MGST1: variants seen among roughly 807,000 people sequenced by gnomAD.
MGST1 encodes glutathione S-transferase 12.
MGST1 carries 5 observed loss-of-function variants against 8.9 expected under a neutral mutation model. That is an observed-to-expected ratio of 0.56 (90% CI 0.29 to 1.19). The LOEUF is 1.19. Among genes scored for constraint, MGST1 ranks in the 50% most tolerant of loss-of-function variants. The pLI is 0.08. For synonymous variants in MGST1, 54 were observed against 67.8 expected (o/e 0.80, Z 1.00); for missense variants, 182 against 187.4 (o/e 0.97, Z 0.17).
chr12:16,491,038 A>G (rs921564168), intron 4 of MGST1, among the ~76,000 whole-genome samples: 5 of 152,190 alleles, frequency 3.3e-5, no homozygotes, highest in Non-Finnish European at 7.3e-5. Flanking sequence ...ATCCTTTGTA[A>G]TATAAGATTT....
chr12:16,351,260 T>C (rs1248686332), intron 1 of MGST1, among the ~76,000 whole-genome samples: 1 of 152,200 alleles, frequency 6.6e-6, no homozygotes, highest in Non-Finnish European at 1.5e-5. Flanking sequence ...TTTCTTAAGC[T>C]AATTACTTTA....
intron 4 of MGST1, among the ~76,000 whole-genome samples, chr12:16,588,325 A>C (rs1943385962): frequency 6.6e-6 from 1 of 152,064 alleles, no homozygotes; most frequent in African/African-American, 2.4e-5. Context: ...TTTAAAGAAC[A>C]CTGTGAAAAA....
intron 4 of MGST1, among the ~76,000 whole-genome samples, chr12:16,444,445 A>G (rs536420738): frequency 1.3e-5 from 2 of 151,816 alleles, no homozygotes; most frequent in Non-Finnish European, 2.9e-5. Flanking sequence ...CTTTGCCAAA[A>G]TGTGCATAGA....
rs992803422 is a variant in MGST1, at chr12:16,572,467, G to A, written n.483-17061G>A. On this transcript the variant is annotated intron_variant and non_coding_transcript_variant, in intron 4 of 4. Transcript: ENST00000538857. The stretch of plus-strand genomic sequence containing the variant: ...GAGCTACTAAGCTATTTCCTTTATT[G>A]GGTCACCTTTAGGACTTATTATTTG... Among the ~76,000 whole-genome samples the A allele has an allele frequency of 2.8e-5, 4 of 141,416 alleles. No individual in the cohort carries two copies. In the Admixed American group the frequency reaches 3.0e-4, roughly 11 times the overall value. 92.8% of individuals were successfully genotyped at this position (141,416 alleles called of 152,430 possible). A position where few individuals can be genotyped will look rare whatever the true frequency, so the allele number is the denominator to read the frequency against.
At chr12:16,486,771 G>A (rs955250509) in intron 4 of MGST1, among the ~76,000 whole-genome samples, 4 of 152,182 alleles carry the variant, frequency 2.6e-5, no homozygotes, top group Admixed American at 2.0e-4. Flanking sequence ...AGCCAATCAT[G>A]TCACGTAGCT....
At position 16,482,644 on chromosome 12, in the gene MGST1, A is replaced by C. The variant is rs1323411768; in HGVS notation, n.482+99040A>C. 6.6e-6 allele frequency among the ~76,000 whole-genome samples: 1 copy of C among 151,914 alleles called. No homozygotes were observed. Among genetic ancestry groups the C allele is most frequent in the Admixed American group, 6.6e-5 (1 of 15,238 alleles). ...AGACTCTGTCTGGAAGAAAAAAAAA[A>C]AAGAGTGAGAACATGTAAAAATGCA... On this transcript the variant is annotated intron_variant and non_coding_transcript_variant, in intron 4 of 4. Coordinates refer to the MGST1 transcript ENST00000538857. The surrounding 1 kb of genome is among the most constrained non-coding windows in gnomAD (Gnocchi z 4.2).
intron 4 of MGST1, among the ~76,000 whole-genome samples, chr12:16,574,672 C>A (rs528972615): frequency 4.2e-4 from 64 of 152,260 alleles, no homozygotes; most frequent in African/African-American, 1.5e-3. Flanking sequence ...GCTCTGTTAA[C>A]TGCAAGACAC....
intron 4 of MGST1, among the ~76,000 whole-genome samples, chr12:16,489,307 A>C (rs1275816918): frequency 1.3e-5 from 2 of 151,870 alleles, no homozygotes; most frequent in African/African-American, 4.8e-5. Flanking sequence ...TCTCTAGTTC[A>C]TGTTTGCTTT....
intron 4 of MGST1, among the ~76,000 whole-genome samples, chr12:16,446,789 T>C (rs1941084160): frequency 6.6e-6 from 1 of 151,878 alleles, no homozygotes; most frequent in Non-Finnish European, 1.5e-5. Context: ...TCTTGTTGAT[T>C]CTGGTATCCA....
In MGST1 at chr12:16,537,753, AGCAGCTGGGAT is replaced by A. The variant is rs1941764336; in HGVS notation, n.483-51770_483-51760del. On this transcript the variant is annotated intron_variant and non_coding_transcript_variant, in intron 4 of 4. Coordinates refer to the MGST1 transcript ENST00000538857. This position sits in a 1 kb window ranked among gnomAD's most constrained non-coding sequence, Gnocchi z 4.6. ...CTTGGCCACTTTTAACAACAGCTGG[AGCAGCTGGGAT>A]GCAGGGCACCAAGTCCCTAGGCTGC... 6.6e-6 allele frequency among the ~76,000 whole-genome samples: 1 copy of A among 152,192 alleles called. No individual in the cohort carries two copies. The highest frequency in any genetic ancestry group is 2.4e-5 in the African/African-American group (1 of 41,456).
At chr12:16,374,196 C>G (rs1443886824) in intron 3 of MGST1, among the ~76,000 whole-genome samples, 1 of 151,978 alleles carries the variant, frequency 6.6e-6, no homozygotes, top group African/African-American at 2.4e-5. Context: ...GCAGAATATG[C>G]TATGGCCAAA....
At chr12:16,465,603 C>A (rs1192875346) in intron 4 of MGST1, among the ~76,000 whole-genome samples, 2 of 152,092 alleles carry the variant, frequency 1.3e-5, no homozygotes, top group Non-Finnish European at 2.9e-5. Context: ...TAATCTAATG[C>A]CTATAAGGTG....
chr12:16,356,729 A>C (rs1011325474), intron 2 of MGST1, among the ~76,000 whole-genome samples: 4 of 152,332 alleles, frequency 2.6e-5, no homozygotes, highest in Admixed American at 1.3e-4. Flanking sequence ...CTAGGAATGC[A>C]ATTCAGCTTC....
chr12:16,589,969 C>T (rs1013989479), downstream of MGST1, among the ~76,000 whole-genome samples: 1 of 151,996 alleles, frequency 6.6e-6, no homozygotes, highest in Non-Finnish European at 1.5e-5. This position sits in a 1 kb window ranked among gnomAD's most constrained non-coding sequence, Gnocchi z 4.2. Flanking sequence ...TAAATGCCAC[C>T]GTTTTTGAAA....
intron 4 of MGST1, among the ~76,000 whole-genome samples, chr12:16,455,763 T>G (rs1421594025): frequency 1.3e-5 from 2 of 151,878 alleles, no homozygotes; most frequent in Non-Finnish European, 2.9e-5. Flanking sequence ...ATAATGGCCA[T>G]GAAACCCAAG....
Position 16,513,377 on chromosome 12 carries a change from C to T in MGST1, n.483-76151C>T. On this transcript the variant is annotated intron_variant and non_coding_transcript_variant, in intron 4 of 4. Coordinates refer to the MGST1 transcript ENST00000538857. The surrounding 1 kb of genome is among the most constrained non-coding windows in gnomAD (Gnocchi z 4.2). ...CTCCGTCCTGCGTCTGCCCACTGCC[C>T]TCCTACCGTCCACCATGGCTCCTCT... 1 of 368,116 alleles carries T rather than the reference C, an allele frequency of 2.7e-6. No homozygotes were observed. The highest frequency in any genetic ancestry group is 5.3e-6 in the Non-Finnish European group (1 of 189,156). The allele number at this position is 368,116 out of a possible 1,614,324, so 22.8% of individuals were successfully genotyped here. A position where few individuals can be genotyped will look rare whatever the true frequency, so the allele number is the denominator to read the frequency against.
chr12:16,511,096 G>T (rs921869845), intron 4 of MGST1, among the ~76,000 whole-genome samples: 1 of 152,192 alleles, frequency 6.6e-6, no homozygotes, highest in African/African-American at 2.4e-5. Flanking sequence ...TATATTCAAA[G>T]TTAATATAAT....
intron 2 of MGST1, among the ~76,000 whole-genome samples, chr12:16,355,092 A>G (rs1565434239): frequency 6.6e-6 from 1 of 151,872 alleles, no homozygotes; most frequent in Non-Finnish European, 1.5e-5. Flanking sequence ...TCATTCAGCA[A>G]CTTCTTCCTG....
At chr12:16,380,272 GGCATTTAGT>G (rs201418766), downstream of MGST1, among the ~76,000 whole-genome samples, 15,972 of 151,934 alleles carry the variant, frequency 0.11, 877 homozygotes, top group East Asian at 0.22. Flanking sequence ...TTCTCTTGTG[GGCATTTAGT>G]GCTATAAATT....
Sources: allele counts gnomAD v4.1 joint callset (sites outside exome capture counted in the v4.1 genomes callset), GRCh38; gene constraint gnomAD v4.1.1; non-coding constraint Gnocchi (gnomAD v3.1); transcripts MANE v1.5; gene names NCBI Gene and HGNC (gene_info 2026-07-23, HGNC 2026-07-21).